Variants in P2RY12 observed in about 807,000 individuals in gnomAD.
P2RY12 encodes P2Y purinoceptor 12.
P2RY12 carries 3 observed loss-of-function variants against 4.5 expected under a neutral mutation model. The observed-to-expected ratio is 0.67, with a 90% confidence interval of 0.31 to 1.74. P2RY12 has a LOEUF of 1.74. P2RY12 is among the 40% of genes most tolerant of loss of function. The probability of loss-of-function intolerance (pLI) is 0.09; values close to 1 mark genes in which losing one functional copy is unlikely to be tolerated. For missense variants in P2RY12, 356 were observed against 407.8 expected (o/e 0.87, Z 1.09); for synonymous variants, 148 against 154.1 (o/e 0.96, Z 0.29).
At chr3:151,359,778 G>T (rs573015581) in intron 1 of P2RY12, among the ~76,000 whole-genome samples, 1 of 152,138 alleles carries the variant, frequency 6.6e-6, no homozygotes, top group Non-Finnish European at 1.5e-5. Context: ...ATACAAGATG[G>T]TGATGGAATC....
intron 1 of P2RY12, among the ~76,000 whole-genome samples, chr3:151,368,662 T>TCATGTCATG (rs1560087230): frequency 3.8e-5 from 2 of 52,378 alleles, no homozygotes; most frequent in Admixed American, 3.8e-4. Context: ...TTCATTTCAT[T>TCATGTCATG]TCATTTCATT....
At chr3:151,349,820 G>T (rs988700407) in intron 1 of P2RY12, among the ~76,000 whole-genome samples, 3 of 150,514 alleles carry the variant, frequency 2.0e-5, no homozygotes, top group Admixed American at 6.6e-5. Flanking sequence ...CCCACATCAA[G>T]TGCTTCTATT....
At chr3:151,350,173 A>G in intron 1 of P2RY12, 1 of 1,613,860 alleles carries the variant, frequency 6.2e-7, no homozygotes, top group Non-Finnish European at 8.5e-7. Flanking sequence ...TATCCTGAAA[A>G]TTCTAAATAA....
At chr3:151,358,927 T>C (rs1754277277) in intron 1 of P2RY12, among the ~76,000 whole-genome samples, 2 of 152,206 alleles carry the variant, frequency 1.3e-5, no homozygotes, top group South Asian at 2.1e-4. Context: ...ATAGATAATA[T>C]CAGGATTTTG....
chr3:151,338,876 A>G lies in P2RY12; in HGVS notation c.-14-17T>C. ...GTTGGTTACCTAGAGAACAAAAGAGAGGATGGTTATTTTCAGCCTAAGGTA... is the reference window on the plus strand; with the variant it reads ...GTTGGTTACCTAGAGAACAAAAGAGGGGATGGTTATTTTCAGCCTAAGGTA... On this transcript the variant is annotated splice_polypyrimidine_tract_variant and intron_variant, in intron 2 of 2. Transcript: ENST00000302632. 7.5e-6 allele frequency: 12 copies of G among 1,605,732 alleles called. No individual in the cohort carries two copies. The highest frequency in any genetic ancestry group is 2.2e-5 in the East Asian group (1 of 44,822).
At position 151,365,390 on chromosome 3, in the gene P2RY12, G is replaced by A. The variant is rs1015975793; in HGVS notation, c.-180+19302C>T. 4.6e-5 allele frequency among the ~76,000 whole-genome samples: 7 copies of A among 151,990 alleles called. 1 individual carries two copies. The East Asian group carries it at 1.2e-3, about 25-fold the overall frequency. The stretch of plus-strand genomic sequence containing the variant: ...TTTAATTTCCTTAACCTGAGAGACA[G>A]TGCTTTCTTATTTATTACTCTGGCA... On this transcript the variant is annotated intron_variant, in intron 1 of 2. Coordinates refer to ENST00000302632, the MANE Select transcript of P2RY12 (RefSeq NM_022788.5).
At chr3:151,348,370 A>G (rs931225985) in intron 1 of P2RY12, among the ~76,000 whole-genome samples, 77 of 143,800 alleles carry the variant, frequency 5.4e-4, no homozygotes, top group African/African-American at 1.9e-3. Flanking sequence ...AAAAGAAAAA[A>G]GAAATATATC....
intron 2 of P2RY12, among the ~76,000 whole-genome samples, chr3:151,339,876 C>T (rs1487364052): frequency 6.6e-6 from 1 of 151,982 alleles, no homozygotes; most frequent in Non-Finnish European, 1.5e-5. Context: ...TTTATTTCAC[C>T]AGAGATAAGT....
chr3:151,368,685 A>ATTTTTTTTT (rs869105325), intron 1 of P2RY12, among the ~76,000 whole-genome samples: 3 of 41,378 alleles, frequency 7.3e-5, no homozygotes, highest in South Asian at 1.9e-3. Context: ...ATGTCATTTC[A>ATTTTTTTTT]TTTTATTTCA....
In P2RY12 at chr3:151,338,387, G is replaced by C; in HGVS notation, c.459C>G (p.Phe153Leu). 6.2e-7 allele frequency: 1 copy of C among 1,614,138 alleles called. No individual in the cohort carries two copies. Among genetic ancestry groups the C allele is most frequent in the Non-Finnish European group, 8.5e-7 (1 of 1,180,022 alleles). The stretch of plus-strand genomic sequence containing the variant: ...GAATCATGTTAGGCAAAGAGAGTAA[G>C]AACATGAATGCCCAGATGACAACAG... The part of the protein sequence containing the change: ...ILSVVIWAFM[F>L]LLSLPNMILT... Residue 153 changes from phenylalanine to leucine, a missense_variant, in exon 3 of 3, where the codon TTC (phenylalanine) becomes TTG (leucine). Phe to Leu is a conservative substitution (Grantham distance 22). Transcript: ENST00000302632.
At position 151,338,278 on chromosome 3, in the gene P2RY12, C is replaced by G. The variant is rs1278660546; in HGVS notation, c.568G>C (p.Val190Leu). The G allele has an allele frequency of 1.6e-5, 26 of 1,613,892 alleles. No homozygotes were observed. The highest frequency in any genetic ancestry group is 2.0e-5 in the Non-Finnish European group (24 of 1,179,972). The change falls in exon 3 of 3, where the codon GTA (valine) becomes CTA (leucine). Residue 190 changes from valine to leucine, a missense_variant. By Grantham distance (32) the Val-to-Leu change is conservative. Transcript: ENST00000302632. ...SEFGLVWHEI[V>L]NYICQVIFWI... ...AAAATGACTTGACAGATGTAATTTACTATTTCATGCCAGACTAGACCGAAC... is the reference window on the plus strand; with the variant it reads ...AAAATGACTTGACAGATGTAATTTAGTATTTCATGCCAGACTAGACCGAAC...
At chr3:151,355,359 T>C in intron 1 of P2RY12, 2 of 640,022 alleles carry the variant, frequency 3.1e-6, no homozygotes, top group Non-Finnish European at 5.4e-6. Flanking sequence ...TAAACATACT[T>C]GGAAGTATCT....
chr3:151,363,127 CACACAGTGA>C (rs1169709790), intron 1 of P2RY12, among the ~76,000 whole-genome samples: 7 of 152,004 alleles, frequency 4.6e-5, no homozygotes, highest in Non-Finnish European at 2.9e-5. Context: ...AGGGTACCAG[CACACAGTGA>C]ATAGAGTAAT....
At chr3:151,354,157 A>AAAAAC in intron 1 of P2RY12, among the ~76,000 whole-genome samples, 1 of 150,732 alleles carries the variant, frequency 6.6e-6, no homozygotes, top group African/African-American at 2.4e-5. Flanking sequence ...AAAAAAAAAA[A>AAAAAC]AAAAAAAGAA....
chr3:151,349,984 A>G, intron 1 of P2RY12: 1 of 1,403,964 alleles, frequency 7.1e-7, no homozygotes, highest in Non-Finnish European at 9.8e-7. Context: ...TGCTGTGGTC[A>G]GTGCATTTCA....
chr3:151,344,553 T>C (rs1312652748), intron 1 of P2RY12, among the ~76,000 whole-genome samples: 1 of 152,150 alleles, frequency 6.6e-6, no homozygotes, highest in African/African-American at 2.4e-5. Flanking sequence ...TAAAGACTGG[T>C]TTTTACTGCT....
intron 1 of P2RY12, chr3:151,367,908 T>C: frequency 9.8e-7 from 1 of 1,018,444 alleles, no homozygotes; most frequent in Non-Finnish European, 1.4e-6. Flanking sequence ...TATGGTAGAA[T>C]TTTAATAGTT....
At position 151,337,844 on chromosome 3, in the gene P2RY12, A is replaced by G. The variant is rs772596809; in HGVS notation, c.1002T>C (p.Gly334=). 5.0e-6 allele frequency: 8 copies of G among 1,614,068 alleles called. No individual in the cohort carries two copies. The South Asian group carries it at 7.7e-5, about 16-fold the overall frequency. The change falls in exon 3 of 3, where the codon GGT becomes GGC. Residue 334 remains glycine, a synonymous_variant. Coordinates refer to ENST00000302632, the MANE Select transcript of P2RY12 (RefSeq NM_022788.5). The part of the protein sequence containing the change: ...QDNRKKEQDG[G]DPNEETPM The stretch of plus-strand genomic sequence containing the variant: ...ACATTGGAGTCTCTTCATTTGGGTC[A>G]CCACCATCCTGTTCTTTTTTCCTAT...
intron 1 of P2RY12, among the ~76,000 whole-genome samples, chr3:151,375,843 A>G (rs965079676): frequency 6.6e-6 from 1 of 152,116 alleles, no homozygotes; most frequent in African/African-American, 2.4e-5. Flanking sequence ...TGTATTTTTT[A>G]GAAGCCAAAA....
Sources: gnomAD v4.1 joint callset for allele counts (sites outside exome capture counted in the v4.1 genomes callset) on GRCh38, gnomAD v4.1.1 for gene constraint, MANE v1.5 for transcripts, NCBI Gene and HGNC (gene_info 2026-07-23, HGNC 2026-07-21) for gene names.